The following NCAM2 variants were observed in gnomAD, a reference collection of about 807,000 sequenced individuals.
The protein encoded by NCAM2 is neural cell adhesion molecule 2, also known as N-CAM-2.
In NCAM2, 30 loss-of-function variants were observed where a neutral mutation model predicts 98.1. The observed-to-expected ratio is 0.31, with a 90% CI of 0.23 to 0.41. NCAM2 has a LOEUF of 0.41. Among genes scored for constraint, NCAM2 ranks in the 10% least tolerant of loss-of-function variants. The probability of loss-of-function intolerance (pLI) is 1.00; values close to 1 mark genes in which losing one functional copy is unlikely to be tolerated. For synonymous variants in NCAM2, 368 were observed against 342.4 expected (o/e 1.07, Z -0.83); for missense variants, 867 against 1,005.8 (o/e 0.86, Z 1.87).
At chr21:21,474,724 T>C (rs1569101406) in intron 14 of NCAM2, among the ~76,000 whole-genome samples, 1 of 152,064 alleles carries the variant, frequency 6.6e-6, no homozygotes, top group African/African-American at 2.4e-5. Context: ...ATGGATCCCT[T>C]GTCTTCATAC....
At chr21:21,374,587 G>C (rs2075991153) in intron 9 of NCAM2, among the ~76,000 whole-genome samples, 1 of 151,762 alleles carries the variant, frequency 6.6e-6, no homozygotes, top group African/African-American at 2.4e-5. Context: ...GGAAATGGGA[G>C]GGCTAATGTA....
intron 5 of NCAM2, among the ~76,000 whole-genome samples, chr21:21,297,168 A>G (rs1250977033): frequency 6.6e-6 from 1 of 151,760 alleles, no homozygotes; most frequent in Non-Finnish European, 1.5e-5. Flanking sequence ...GAACATAAGG[A>G]GAATATATTT....
At position 21,127,596 on chromosome 21, in the gene NCAM2, C is replaced by T. The variant is rs961330892; in HGVS notation, c.55+128978C>T. On this transcript the variant is annotated intron_variant, in intron 1 of 17. Transcript: ENST00000400546. ...TAATATTTTTATACTCATTAACCAA[C>T]CTCTCTTCATTCTGCCTCCCTCACC... 2.6e-5 allele frequency among the ~76,000 whole-genome samples: 4 copies of T among 152,034 alleles called. No homozygotes were observed. In the East Asian group the frequency reaches 7.7e-4, roughly 29 times the overall value.
chr21:21,468,940 T>TTA (rs1175108355), intron 14 of NCAM2, among the ~76,000 whole-genome samples, 157 bp downstream of exon 14: 1 of 151,630 alleles, frequency 6.6e-6, no homozygotes, highest in Non-Finnish European at 1.5e-5. Flanking sequence ...ATTGTGATTT[T>TTA]TTTTTATTTT....
chr21:21,476,911 C>T, intron 14 of NCAM2, among the ~76,000 whole-genome samples: 1 of 151,780 alleles, frequency 6.6e-6, no homozygotes. Flanking sequence ...TTTTAATGGA[C>T]ATACTAAGTT....
At chr21:21,422,162 C>T (rs569007689) in intron 11 of NCAM2, among the ~76,000 whole-genome samples, 1 of 152,260 alleles carries the variant, frequency 6.6e-6, no homozygotes, top group Non-Finnish European at 1.5e-5. Context: ...GAAACAGCAA[C>T]CCAAACAGGC....
intron 1 of NCAM2, among the ~76,000 whole-genome samples, chr21:21,036,786 A>G (rs539972961): frequency 3.0e-4 from 45 of 152,276 alleles, no homozygotes; most frequent in African/African-American, 1.1e-3. Context: ...AGACGATAGT[A>G]TTTCAGATAA....
At position 21,031,830 on chromosome 21, in the gene NCAM2, TCA is replaced by T. The variant is rs899872875; in HGVS notation, c.55+33220_55+33221del. On this transcript the variant is annotated intron_variant, in intron 1 of 17. Coordinates refer to ENST00000400546, the MANE Select transcript of NCAM2 (RefSeq NM_004540.5). Reference sequence around the variant, plus strand: ...CTTATACACACACACACACACACACTCACACACACGTGTGCTTGTGCAATGTC... The same window carrying T: ...CTTATACACACACACACACACACACTCACACACGTGTGCTTGTGCAATGTC... 6.9e-5 allele frequency among the ~76,000 whole-genome samples: 10 copies of T among 144,406 alleles called. No individual in the cohort carries two copies. In the East Asian group the frequency reaches 1.6e-3, roughly 24 times the overall value. 94.7% of individuals were successfully genotyped at this position (144,406 alleles called of 152,430 possible).
chr21:21,368,212 T>G (rs780045947), intron 8 of NCAM2, among the ~76,000 whole-genome samples: 3 of 151,940 alleles, frequency 2.0e-5, no homozygotes, highest in Non-Finnish European at 2.9e-5. Context: ...GAGGTAACAA[T>G]CTACTAATGT....
At chr21:21,301,398 A>G (rs1173523698) in intron 5 of NCAM2, among the ~76,000 whole-genome samples, 1 of 135,150 alleles carries the variant, frequency 7.4e-6, no homozygotes, top group South Asian at 2.4e-4. Flanking sequence ...TTTTTTTTTA[A>G]TTATACTTTA....
At chr21:21,390,394 G>A (rs755798922) in intron 9 of NCAM2, among the ~76,000 whole-genome samples, 18 of 152,044 alleles carry the variant, frequency 1.2e-4, no homozygotes, top group Admixed American at 2.6e-4. Flanking sequence ...AGTTCTGATC[G>A]GAGGTACAAG....
intron 1 of NCAM2, among the ~76,000 whole-genome samples, chr21:21,204,015 G>T (rs561082657): frequency 3.9e-5 from 6 of 152,014 alleles, no homozygotes; most frequent in African/African-American, 1.4e-4. Context: ...AATACTTACC[G>T]TAGTTAACAC....
rs2064298864 is a variant in NCAM2, at chr21:21,015,895, G to A, written c.55+17277G>A. On this transcript the variant is annotated intron_variant, in intron 1 of 17. Coordinates refer to ENST00000400546, the MANE Select transcript of NCAM2 (RefSeq NM_004540.5). Reference sequence around the variant, plus strand: ...ATTTTTTTTTTGTATTTTTAGTAGAGACAGGGTTTCACCATGTTGGCCAGC... The same window carrying A: ...ATTTTTTTTTTGTATTTTTAGTAGAAACAGGGTTTCACCATGTTGGCCAGC... 3.3e-5 allele frequency among the ~76,000 whole-genome samples: 5 copies of A among 152,080 alleles called. 1 individual carries two copies. The South Asian group carries it at 1.0e-3, about 32-fold the overall frequency.
chr21:21,392,507 G>C (rs1001455183), intron 9 of NCAM2, among the ~76,000 whole-genome samples: 5 of 152,116 alleles, frequency 3.3e-5, no homozygotes, highest in African/African-American at 1.2e-4. Context: ...TCTGTCTTTA[G>C]GTTTTGAAGA....
intron 1 of NCAM2, among the ~76,000 whole-genome samples, chr21:21,237,820 C>T (rs1367362005): frequency 2.0e-5 from 3 of 151,750 alleles, no homozygotes; most frequent in Admixed American, 1.3e-4. Flanking sequence ...TTAACCAATA[C>T]TCATATTTAG....
intron 8 of NCAM2, among the ~76,000 whole-genome samples, chr21:21,349,254 A>G (rs1344650769): frequency 6.6e-6 from 1 of 152,186 alleles, no homozygotes; most frequent in East Asian, 1.9e-4. Context: ...TATCTAATCA[A>G]AAAATGGGCA....
At chr21:21,143,793 T>C (rs564693446) in intron 1 of NCAM2, among the ~76,000 whole-genome samples, 152 of 137,608 alleles carry the variant, frequency 1.1e-3, no homozygotes, top group Non-Finnish European at 2.0e-3. Flanking sequence ...TGCTCATTTT[T>C]TTTTTAGGAA....
At chr21:21,015,006 G>A (rs2064279994) in intron 1 of NCAM2, among the ~76,000 whole-genome samples, 1 of 152,200 alleles carries the variant, frequency 6.6e-6, no homozygotes, top group Non-Finnish European at 1.5e-5. Flanking sequence ...AAATAGATTA[G>A]AAGTGGAGCT....
chr21:21,284,089 AT>A (rs34246223), intron 2 of NCAM2, 104 bp from the exon 3 acceptor site: 793,537 of 794,984 alleles, frequency 1, 396,062 homozygotes, highest in East Asian at 1. Flanking sequence ...CTGTTACATA[AT>A]TTTTTTTCTA....
Sources: allele counts gnomAD v4.1 joint callset (sites outside exome capture counted in the v4.1 genomes callset), GRCh38; gene constraint gnomAD v4.1.1; transcripts MANE v1.5; gene names NCBI Gene and HGNC (gene_info 2026-07-23, HGNC 2026-07-21).